SCARF1: variants seen among roughly 807,000 people sequenced by gnomAD.
The protein encoded by SCARF1 is acetyl LDL receptor.
Under a neutral mutation model 76.3 loss-of-function variants are expected in SCARF1, and 49 were observed. That is an observed-to-expected ratio of 0.64 (90% CI 0.51 to 0.81). SCARF1 has a LOEUF of 0.81. SCARF1 is among the 40% of genes least tolerant of loss of function. The pLI is 0.00. For synonymous variants in SCARF1, 495 were observed against 474.6 expected (o/e 1.04, Z -0.56); for missense variants, 1,098 against 1,143.9 (o/e 0.96, Z 0.58).
intron 7 of SCARF1, 146 bp downstream of exon 7, chr17:1,639,493 A>G: frequency 3.2e-6 from 2 of 631,902 alleles, no homozygotes; most frequent in Non-Finnish European, 5.5e-6. Context: ...TGACAGAGCA[A>G]GACCTCGTCT....
rs1910472352 is a variant in SCARF1, at chr17:1,645,596, C to T, written c.101+1G>A. ...ACGCATCAGACTCCCACGAGACCCA[C>T]CTGCTGGCCACACAGACGTGCTGCC... is the stretch of plus-strand genomic sequence containing the variant. On this transcript the variant is annotated splice_donor_variant, in intron 1 of 10. Coordinates refer to ENST00000263071, the MANE Select transcript of SCARF1 (RefSeq NM_003693.4). LOFTEE classifies it high-confidence loss of function. This position sits in a 1 kb window ranked among gnomAD's most constrained non-coding sequence, Gnocchi z 6.3. 6.2e-7 allele frequency: 1 copy of T among 1,605,208 alleles called. No homozygotes were observed. The highest frequency in any genetic ancestry group is 1.7e-5 in the Admixed American group (1 of 59,538).
chr17:1,641,772 C>T (rs896505793), intron 4 of SCARF1, among the ~76,000 whole-genome samples: 6 of 152,162 alleles, frequency 3.9e-5, no homozygotes, highest in South Asian at 2.1e-4. Context: ...CCCAGGCTGG[C>T]GTGCAGTGGC....
chr17:1,644,521 A>G lies in SCARF1; in HGVS notation c.265+313T>C. On this transcript the variant is annotated intron_variant, in intron 3 of 10. Transcript: ENST00000263071. This position sits in a 1 kb window ranked among gnomAD's most constrained non-coding sequence, Gnocchi z 4.8. ...CCCCTTCCATCCACTGCCCATGTAT[A>G]AGGTATATGTGGGAAAGGCAAGTAA... is the stretch of plus-strand genomic sequence containing the variant. 1 of 474,286 alleles carries G rather than the reference A, an allele frequency of 2.1e-6. No individual in the cohort carries two copies. The highest frequency in any genetic ancestry group is 3.8e-6 in the Non-Finnish European group (1 of 263,656). 29.4% of individuals were successfully genotyped at this position (474,286 alleles called of 1,614,324 possible).
At chr17:1,642,843 T>C (rs1910162639) in intron 4 of SCARF1, among the ~76,000 whole-genome samples, 3 of 152,130 alleles carry the variant, frequency 2.0e-5, no homozygotes, top group Admixed American at 2.0e-4. Flanking sequence ...ACCGAATACC[T>C]GGGACTACAG....
chr17:1,642,995 C>A (rs1346753240), intron 4 of SCARF1, among the ~76,000 whole-genome samples: 1 of 152,202 alleles, frequency 6.6e-6, no homozygotes, highest in Non-Finnish European at 1.5e-5. Flanking sequence ...AGCCACCCCA[C>A]CTATCCGACT....
chr17:1,639,109 C>T (rs1482801634), intron 7 of SCARF1, among the ~76,000 whole-genome samples, 183 bp from the exon 8 acceptor site: 1 of 152,246 alleles, frequency 6.6e-6, no homozygotes, highest in African/African-American at 2.4e-5. Context: ...AGTGTCCAGC[C>T]ACCCCGCTGC....
At position 1,645,303 on chromosome 17, in the gene SCARF1, G is replaced by T; in HGVS notation, c.102-64C>A. The T allele has an allele frequency of 6.3e-7, 1 of 1,584,150 alleles. No homozygotes were observed. ...GTGCAGCCTGGCCCTGAGGAAGGTG[G>T]ATCACTGTCTCTGGCTGCAGTGGGG... On this transcript the variant is annotated intron_variant, in intron 1 of 10. Transcript: ENST00000263071. This position sits in a 1 kb window ranked among gnomAD's most constrained non-coding sequence, Gnocchi z 6.3.
At chr17:1,639,527 A>AT in intron 7 of SCARF1, 112 bp downstream of exon 7, 1 of 669,568 alleles carries the variant, frequency 1.5e-6, no homozygotes, top group Non-Finnish European at 2.5e-6. Flanking sequence ...AAAAAAAAAA[A>AT]GAATATCTCT....
chr17:1,641,600 C>T (rs1364108154), intron 4 of SCARF1, among the ~76,000 whole-genome samples: 2 of 152,182 alleles, frequency 1.3e-5, no homozygotes, highest in Non-Finnish European at 2.9e-5. Flanking sequence ...GAAGTTTCTC[C>T]CTCAGATGCT....
chr17:1,635,062 T>C lies in SCARF1; in HGVS notation c.2189A>G (p.Lys730Arg). ...CCGATTCAGGGCCTGGCGCGGAGGC[T>C]TAGGGATGGCCCTCTTGACCTTGGC... is the stretch of plus-strand genomic sequence containing the variant. ...AEAKVKRAIP[K>R]PPRQALNRKK... The change falls in exon 11 of 11, where the codon AAG becomes AGG. Residue 730 changes from lysine (K) to arginine (R), a missense_variant. By Grantham distance (26) the Lys-to-Arg change is conservative. Coordinates refer to ENST00000263071, the MANE Select transcript of SCARF1 (RefSeq NM_003693.4). 1.2e-6 allele frequency: 2 copies of C among 1,613,976 alleles called. No individual in the cohort carries two copies. The highest frequency in any genetic ancestry group is 1.7e-6 in the Non-Finnish European group (2 of 1,179,948).
rs1455421153 is a variant in SCARF1 at position 1,643,853 on chromosome 17, G to T, written c.380C>A (p.Ala127Asp). 37 of 1,273,082 alleles carry T rather than the reference G, an allele frequency of 2.9e-5. No individual in the cohort carries two copies. The highest frequency in any genetic ancestry group is 3.4e-5 in the Non-Finnish European group (34 of 1,012,846). 78.9% of individuals were successfully genotyped at this position (1,273,082 alleles called of 1,614,324 possible). ...ACQCQADRWGARCEFPCACGP... is the reference protein window; with the variant it reads ...ACQCQADRWGDRCEFPCACGP... ...GCAGGCGCACGGGAACTCGCAGCGG[G>T]CTCCCCAGCGGTCGGCCTGGCACTG... is the stretch of plus-strand genomic sequence containing the variant. The change falls in exon 4 of 11, where the codon GCC becomes GAC. Residue 127 changes from alanine (A) to aspartate (D), a missense_variant. By Grantham distance (126) the Ala-to-Asp change is moderately radical (BLOSUM62 -2). Coordinates refer to ENST00000263071, the MANE Select transcript of SCARF1 (RefSeq NM_003693.4).
chr17:1,636,835 C>T lies in SCARF1; in HGVS notation c.1507G>A (p.Val503Ile), dbSNP rs1325956335. The stretch of plus-strand genomic sequence containing the variant: ...TCGATGAAGCTGTGGTTGAAGGGGA[C>T]CTCCGGGTCGTGATGTGAGACTGTA... ...WVTVSHHDPE[V>I]PFNHSFIEPP... Residue 503 changes from valine to isoleucine, a missense_variant, in exon 10 of 11, where the codon GTC becomes ATC. By Grantham distance (29) the Val-to-Ile change is conservative. Transcript: ENST00000263071. 1 of 1,614,012 alleles carries T rather than the reference C, an allele frequency of 6.2e-7. No individual in the cohort carries two copies. The highest frequency in any genetic ancestry group is 8.5e-7 in the Non-Finnish European group (1 of 1,179,998).
In SCARF1 at chr17:1,643,872, GGCACTGGCACGCGCCCGTGGCTGGCTC is replaced by G; in HGVS notation, c.334_360del (p.Glu112_Cys120del). The G allele has an allele frequency of 4.6e-6, 6 of 1,300,532 alleles. No individual in the cohort carries two copies. Among genetic ancestry groups the G allele is most frequent in the Non-Finnish European group, 5.8e-6 (6 of 1,029,082 alleles). The allele number at this position is 1,300,532 out of a possible 1,614,324, so 80.6% of individuals were successfully genotyped here. A position where few individuals can be genotyped will look rare whatever the true frequency, so the allele number is the denominator to read the frequency against. On this transcript the variant is annotated inframe_deletion, in exon 4 of 11. Coordinates refer to ENST00000263071, the MANE Select transcript of SCARF1 (RefSeq NM_003693.4). ...CAGCGGGCTCCCCAGCGGTCGGCCT[GGCACTGGCACGCGCCCGTGGCTGGCTC>G]GCACTGGCCGTGCGGGTGGCAGGGG...
Position 1,644,409 on chromosome 17 carries a change from G to A in SCARF1, c.265+425C>T. On this transcript the variant is annotated intron_variant, in intron 3 of 10. Coordinates refer to ENST00000263071, the MANE Select transcript of SCARF1 (RefSeq NM_003693.4). This position sits in a 1 kb window ranked among gnomAD's most constrained non-coding sequence, Gnocchi z 4.8. ...TTCCCCTAGTGATTCCTTGATTCCTGATGCCCACCCTCTGGCTCTCCTGCT... is the reference window on the plus strand; with the variant it reads ...TTCCCCTAGTGATTCCTTGATTCCTAATGCCCACCCTCTGGCTCTCCTGCT... The A allele has an allele frequency of 3.6e-6, 1 of 276,418 alleles. No individual in the cohort carries two copies. The highest frequency in any genetic ancestry group is 6.9e-6 in the Non-Finnish European group (1 of 145,556). 17.1% of individuals were successfully genotyped at this position (276,418 alleles called of 1,614,324 possible).
Position 1,635,594 on chromosome 17 carries a change from C to T in SCARF1, c.1657G>A (p.Gly553Arg). Residue 553 changes from glycine to arginine, a missense_variant, in exon 11 of 11, where the codon GGG (glycine) becomes AGG (arginine). Coordinates refer to ENST00000263071, the MANE Select transcript of SCARF1 (RefSeq NM_003693.4). ...QEGMVPVAQA[G>R]SSEASLAAGA... ...GCAGCCAGGCTGGCCTCTGACGACC[C>T]TGCCTGGGCCACAGGGACCATCCCT... 1 of 1,603,528 alleles carries T rather than the reference C, an allele frequency of 6.2e-7. No homozygotes were observed. Among genetic ancestry groups the T allele is most frequent in the Non-Finnish European group, 8.5e-7 (1 of 1,179,736 alleles).
Position 1,643,609 on chromosome 17 carries a change from G to A in SCARF1, c.624C>T (p.Cys208=). 6.8e-7 allele frequency: 1 copy of A among 1,473,704 alleles called. No individual in the cohort carries two copies. The highest frequency in any genetic ancestry group is 8.9e-7 in the Non-Finnish European group (1 of 1,120,104). The allele number at this position is 1,473,704 out of a possible 1,614,324, so 91.3% of individuals were successfully genotyped here. A position where few individuals can be genotyped will look rare whatever the true frequency, so the allele number is the denominator to read the frequency against. Residue 208 remains cysteine, a synonymous_variant, in exon 4 of 11, where the codon TGC becomes TGT. Transcript: ENST00000263071. ...GSPCEQDSGR[C]ACRPGWWGPE... is the part of the protein sequence containing the mutation. ...GACCCCACCAGCCCGGCCGGCAGGC[G>A]CAGCGGCCGGAGTCCTGCTCGCACG... is the stretch of plus-strand genomic sequence containing the variant.
At chr17:1,638,735 G>A in intron 8 of SCARF1, 71 bp downstream of exon 8, 1 of 1,361,334 alleles carries the variant, frequency 7.3e-7, no homozygotes, top group Non-Finnish European at 9.6e-7. Flanking sequence ...CACCCCACAA[G>A]GAAACCAGAT....
chr17:1,636,678 T>G (rs1909585081), intron 10 of SCARF1, 31 bp downstream of exon 10: 1 of 1,610,562 alleles, frequency 6.2e-7, no homozygotes, highest in Admixed American at 1.7e-5. Flanking sequence ...GCAGGGCTGC[T>G]CAGGGGCTAT....
At chr17:1,638,986 T>C in intron 7 of SCARF1, 60 bp from the exon 8 acceptor site, 1 of 1,470,316 alleles carries the variant, frequency 6.8e-7, no homozygotes, top group African/African-American at 1.4e-5. Context: ...ATCCTGTCTT[T>C]GCTCTGAGTT....
Sources: gnomAD v4.1 joint callset for allele counts (sites outside exome capture counted in the v4.1 genomes callset) on GRCh38, gnomAD v4.1.1 for gene constraint, Gnocchi (gnomAD v3.1) non-coding constraint, MANE v1.5 for transcripts, NCBI Gene and HGNC (gene_info 2026-07-23, HGNC 2026-07-21) for gene names.